TRDN: variants seen among roughly 807,000 people sequenced by gnomAD.
TRDN encodes triadin in skeletal muscle.
Under a neutral mutation model 149.7 loss-of-function variants are expected in TRDN, and 161 were observed. That is an observed-to-expected ratio of 1.08 (90% CI 0.95 to 1.23). The LOEUF (loss-of-function observed/expected upper bound fraction) is 1.23. Among genes scored for constraint, TRDN ranks in the 50% most tolerant of loss-of-function variants. The pLI, the probability that TRDN is intolerant of heterozygous loss-of-function variation, is 0.00. For missense variants in TRDN, 896 were observed against 823.5 expected (o/e 1.09, Z -1.08); for synonymous variants, 294 against 250.5 (o/e 1.17, Z -1.64).
chr6:123,222,987 C>CA (rs1157953863), intron 39 of TRDN, among the ~76,000 whole-genome samples: 2 of 151,700 alleles, frequency 1.3e-5, no homozygotes, highest in Non-Finnish European at 2.9e-5. Context: ...ATGAAAAAGT[C>CA]AAAAAATAAC....
chr6:123,433,165 ATAT>A (rs1774409024), intron 12 of TRDN, among the ~76,000 whole-genome samples: 1 of 80,810 alleles, frequency 1.2e-5, no homozygotes, highest in Non-Finnish European at 2.6e-5. Flanking sequence ...TATATATAAT[ATAT>A]ATATATATAT....
chr6:123,531,418 G>T (rs1780247927), intron 4 of TRDN, among the ~76,000 whole-genome samples: 1 of 151,972 alleles, frequency 6.6e-6, no homozygotes, highest in Non-Finnish European at 1.5e-5. Context: ...TTCTCCATTT[G>T]TAAATCTGCA....
At position 123,305,622 on chromosome 6, in the gene TRDN, A is replaced by T. The variant is rs79547385; in HGVS notation, c.1510+10835T>A. 3.1e-3 allele frequency among the ~76,000 whole-genome samples: 466 copies of T among 152,218 alleles called. 16 individuals are homozygous for T. In the East Asian group the frequency reaches 0.076, roughly 25 times the overall value. ...CATTCAAACTACAAACTAGGACAAA[A>T]AGTTTCTGTTTTCCACATGAAACAA... is the stretch of plus-strand genomic sequence containing the variant. On this transcript the variant is annotated intron_variant, in intron 24 of 40. Coordinates refer to ENST00000334268, the MANE Select transcript of TRDN (RefSeq NM_006073.4).
At chr6:123,445,949 C>T (rs1431809554) in intron 10 of TRDN, among the ~76,000 whole-genome samples, 11 of 141,736 alleles carry the variant, frequency 7.8e-5, no homozygotes, top group South Asian at 2.2e-4. Context: ...ATGTTTATTG[C>T]GGCATTATTC....
intron 24 of TRDN, among the ~76,000 whole-genome samples, chr6:123,280,889 G>A (rs1226580385): frequency 1.3e-5 from 2 of 151,996 alleles, no homozygotes; most frequent in African/African-American, 4.8e-5. Flanking sequence ...ATCATTGAAT[G>A]CAGGGAATTG....
chr6:123,292,614 C>T (rs1778048670), intron 24 of TRDN, among the ~76,000 whole-genome samples: 1 of 152,072 alleles, frequency 6.6e-6, no homozygotes, highest in South Asian at 2.1e-4. Context: ...AGAAGAATCC[C>T]CTGAAGATCA....
intron 20 of TRDN, among the ~76,000 whole-genome samples, chr6:123,354,454 C>T (rs978901520): frequency 1.3e-5 from 2 of 151,796 alleles, no homozygotes; most frequent in African/African-American, 4.8e-5. Flanking sequence ...CACAGGCAAA[C>T]TCCTGTTTAT....
At chr6:123,556,588 C>CTCG (rs1239252896) in intron 2 of TRDN, among the ~76,000 whole-genome samples, 234 of 151,402 alleles carry the variant, frequency 1.5e-3, no homozygotes, top group African/African-American at 5.5e-3. Flanking sequence ...CCTCCTCTTT[C>CTCG]TCTTCTTCCT....
At chr6:123,546,071 A>G (rs1410314494) in intron 4 of TRDN, among the ~76,000 whole-genome samples, 3 of 152,108 alleles carry the variant, frequency 2.0e-5, no homozygotes, top group Non-Finnish European at 2.9e-5. Context: ...CCAGATAATG[A>G]CTAATAACTC....
chr6:123,285,356 G>T (rs972775059), intron 24 of TRDN, among the ~76,000 whole-genome samples: 1 of 151,966 alleles, frequency 6.6e-6, no homozygotes, highest in African/African-American at 2.4e-5. Flanking sequence ...AAGACCAATG[G>T]GAAAGAATAG....
chr6:123,489,020 C>G (rs536655490), intron 9 of TRDN: 34 of 152,224 alleles, frequency 2.2e-4, no homozygotes, highest in African/African-American at 8.2e-4. Context: ...CTGGTACTCA[C>G]AGAAATCACT....
At chr6:123,262,570 G>A (rs1183602340) in intron 33 of TRDN, among the ~76,000 whole-genome samples, 1 of 152,052 alleles carries the variant, frequency 6.6e-6, no homozygotes, top group African/African-American at 2.4e-5. Flanking sequence ...TGTAATACAG[G>A]CATACTCATT....
At chr6:123,223,725 C>CT (rs1264803580) in intron 39 of TRDN, among the ~76,000 whole-genome samples, 3 of 146,336 alleles carry the variant, frequency 2.1e-5, no homozygotes, top group African/African-American at 2.6e-5. Flanking sequence ...TCCTTCCTTC[C>CT]TTCCTTCCTG....
At chr6:123,540,562 C>T (rs1378597051) in intron 4 of TRDN, among the ~76,000 whole-genome samples, 2 of 152,214 alleles carry the variant, frequency 1.3e-5, no homozygotes, top group Non-Finnish European at 2.9e-5. Context: ...CTCTGTCACC[C>T]AGACTGGAGT....
At chr6:123,384,705 G>A (rs1781842625) in intron 14 of TRDN, among the ~76,000 whole-genome samples, 1 of 152,026 alleles carries the variant, frequency 6.6e-6, no homozygotes, top group South Asian at 2.1e-4. Flanking sequence ...ACGATATGAA[G>A]TCCAGGGTCA....
chr6:123,441,940 C>T (rs1436650295), intron 10 of TRDN: 1 of 152,144 alleles, frequency 6.6e-6, no homozygotes, highest in African/African-American at 2.4e-5. Flanking sequence ...TAAATAAGAA[C>T]TTGTTTCTTT....
At chr6:123,507,937 T>A (rs1455675715) in intron 7 of TRDN, among the ~76,000 whole-genome samples, 3 of 152,018 alleles carry the variant, frequency 2.0e-5, no homozygotes, top group Non-Finnish European at 2.9e-5. Flanking sequence ...TCTCTCTCAT[T>A]CCATAAAGAA....
chr6:123,474,489 A>T (rs1311554374), intron 9 of TRDN, among the ~76,000 whole-genome samples: 1 of 152,088 alleles, frequency 6.6e-6, no homozygotes, highest in Non-Finnish European at 1.5e-5. Context: ...AGACTTTAAC[A>T]CCCCACTGTC....
chr6:123,388,557 G>C lies in TRDN; in HGVS notation c.1106-6C>G, dbSNP rs555392351. 1 of 1,582,782 alleles carries C rather than the reference G, an allele frequency of 6.3e-7. No homozygotes were observed. Among genetic ancestry groups the C allele is most frequent in the East Asian group, 2.3e-5 (1 of 43,994 alleles). The stretch of plus-strand genomic sequence containing the variant: ...TTCATCCTTCTTAGCTGCTGCTGAA[G>C]TAATGAAAATAGCGTTAAGGCATAT... On this transcript the variant is annotated splice_polypyrimidine_tract_variant and splice_region_variant and intron_variant, in intron 13 of 40. Coordinates refer to ENST00000334268, the MANE Select transcript of TRDN (RefSeq NM_006073.4).
Sources: allele counts gnomAD v4.1 joint callset (sites outside exome capture counted in the v4.1 genomes callset), GRCh38; gene constraint gnomAD v4.1.1; transcripts MANE v1.5; gene names NCBI Gene and HGNC (gene_info 2026-07-23, HGNC 2026-07-21).